PTCHD4: variants seen among roughly 807,000 people sequenced by gnomAD.
PTCHD4 encodes the protein patched domain-containing protein 4.
Under a neutral mutation model 58.1 loss-of-function variants are expected in PTCHD4, and 33 were observed. The ratio of observed to expected loss-of-function variants is 0.57; its 90% confidence interval spans 0.43 to 0.76. The LOEUF is 0.76. Among genes scored for constraint, PTCHD4 ranks in the 30% least tolerant of loss-of-function variants. PTCHD4 has a pLI of 0.00. For synonymous variants in PTCHD4, 478 were observed against 409.6 expected (o/e 1.17, Z -2.02); for missense variants, 1,058 against 1,027.1 (o/e 1.03, Z -0.41).
chr6:48,088,650 G>A (rs139309617), intron 1 of PTCHD4, among the ~76,000 whole-genome samples: 2 of 152,130 alleles, frequency 1.3e-5, no homozygotes, highest in Admixed American at 1.3e-4. Context: ...GAACTAAAAC[G>A]CTGTGGTTTT....
intron 4 of PTCHD4, among the ~76,000 whole-genome samples, chr6:47,959,684 A>G (rs1767006048): frequency 6.6e-6 from 1 of 152,106 alleles, no homozygotes; most frequent in Non-Finnish European, 1.5e-5. Context: ...TATTATATAC[A>G]TAGAAACAAA....
chr6:47,976,375 C>T (rs1276376218), intron 4 of PTCHD4, among the ~76,000 whole-genome samples: 3 of 152,092 alleles, frequency 2.0e-5, no homozygotes, highest in Admixed American at 6.6e-5. Context: ...TAATTACTGG[C>T]CAGGCGCTGT....
In PTCHD4 at chr6:47,862,305, G is replaced by T. The variant is rs1763449380; in HGVS notation, c.*15998C>A. 6.6e-6 allele frequency among the ~76,000 whole-genome samples: 1 copy of T among 151,470 alleles called. No individual in the cohort carries two copies. The highest frequency in any genetic ancestry group is 2.4e-5 in the African/African-American group (1 of 41,314). Reference sequence around the variant, plus strand: ...TAGTAGCTGTGCTGTTGGGACCAAAGATCTACTTACAACCATTTTCAACAC... The same window carrying T: ...TAGTAGCTGTGCTGTTGGGACCAAATATCTACTTACAACCATTTTCAACAC... On this transcript the variant is annotated 3_prime_UTR_variant, in exon 5 of 5. Coordinates refer to ENST00000339488, the MANE Select transcript of PTCHD4 (RefSeq NM_001384253.1).
rs190824329 is a variant in PTCHD4 at position 48,000,206 on chromosome 6, C to T, written c.898+8428G>A. Among the ~76,000 whole-genome samples the T allele has an allele frequency of 2.9e-3, 438 of 152,234 alleles. 1 individual carries two copies. Among genetic ancestry groups the T allele is most frequent in the African/African-American group, 0.01 (419 of 41,560 alleles). ...TCCTGACCCACATCAAACTGAGAGA[C>T]AAACAAGAAATATATCTTTGTTATG... On this transcript the variant is annotated intron_variant, in intron 4 of 4. Transcript: ENST00000339488.
chr6:47,874,014 T>A lies in PTCHD4; in HGVS notation c.*4289A>T, dbSNP rs1463818469. ...TCCCTGTAGTAGGATGCCGAGCAAA[T>A]CATTGACTTCTCCAATCTCTAAGAG... On this transcript the variant is annotated 3_prime_UTR_variant, in exon 5 of 5. Coordinates refer to ENST00000339488, the MANE Select transcript of PTCHD4 (RefSeq NM_001384253.1). Among the ~76,000 whole-genome samples the A allele has an allele frequency of 6.6e-6, 1 of 151,706 alleles. No individual in the cohort carries two copies. Among genetic ancestry groups the A allele is most frequent in the Non-Finnish European group, 1.5e-5 (1 of 67,786 alleles).
intron 3 of PTCHD4, among the ~76,000 whole-genome samples, chr6:48,060,424 T>G (rs574398729): frequency 6.6e-5 from 10 of 152,310 alleles, no homozygotes; most frequent in African/African-American, 2.2e-4. Context: ...TGAGAGCCCT[T>G]TACATACCTT....
chr6:47,901,348 A>G, intron 4 of PTCHD4: 3 of 682,918 alleles, frequency 4.4e-6, no homozygotes, highest in Non-Finnish European at 5.4e-6. Context: ...GTATCAGGGT[A>G]ATATTTATCT....
intron 1 of PTCHD4, among the ~76,000 whole-genome samples, chr6:48,100,638 T>C (rs1765585089): frequency 6.6e-6 from 1 of 152,178 alleles, no homozygotes; most frequent in Non-Finnish European, 1.5e-5. Context: ...GAGAAAATGA[T>C]GACAATAAAG....
At chr6:48,008,007 G>C (rs1326348960) in intron 4 of PTCHD4, among the ~76,000 whole-genome samples, 2 of 151,970 alleles carry the variant, frequency 1.3e-5, no homozygotes, top group South Asian at 2.1e-4. Flanking sequence ...TGTATAGCTG[G>C]AGGAAAACTT....
intron 1 of PTCHD4, among the ~76,000 whole-genome samples, chr6:48,081,686 T>C (rs1765169996): frequency 6.6e-6 from 1 of 152,184 alleles, no homozygotes; most frequent in African/African-American, 2.4e-5. Flanking sequence ...TGAAATTATT[T>C]TACCTATATT....
In PTCHD4 at chr6:48,068,693, C is replaced by G; in HGVS notation, c.6-52G>C. The G allele has an allele frequency of 1.3e-6, 2 of 1,483,292 alleles. No homozygotes were observed. The highest frequency in any genetic ancestry group is 5.0e-5 in the East Asian group (2 of 40,330). The allele number at this position is 1,483,292 out of a possible 1,614,324, so 91.9% of individuals were successfully genotyped here. ...AGCGCCGGGCTACCCCGTTCTCCCCCATCCCACCCCCTGGGGCCAGTCCCC... is the reference window on the plus strand; with the variant it reads ...AGCGCCGGGCTACCCCGTTCTCCCCGATCCCACCCCCTGGGGCCAGTCCCC... On this transcript the variant is annotated intron_variant, in intron 2 of 4. Transcript: ENST00000339488. The surrounding 1 kb of genome is among the most constrained non-coding windows in gnomAD (Gnocchi z 4.2).
rs1763801060 is a variant in PTCHD4, at chr6:47,874,678, C to T, written c.*3625G>A. On this transcript the variant is annotated 3_prime_UTR_variant, in exon 5 of 5. Coordinates refer to ENST00000339488, the MANE Select transcript of PTCHD4 (RefSeq NM_001384253.1). ...TGTCATCATTATTCTTCTCACCTCA[C>T]AAGGTAAAAACCTAAATTCTGTGGA... is the stretch of plus-strand genomic sequence containing the variant. Among the ~76,000 whole-genome samples, 2 of 151,630 alleles carry T rather than the reference C, an allele frequency of 1.3e-5. No homozygotes were observed.
chr6:48,070,398 A>AT (rs963489710), intron 1 of PTCHD4, among the ~76,000 whole-genome samples: 2 of 152,038 alleles, frequency 1.3e-5, no homozygotes, highest in East Asian at 1.9e-4. Context: ...TATACCTTTT[A>AT]TTTTTTTCTA....
At chr6:47,977,123 A>T (rs557419265) in intron 4 of PTCHD4, among the ~76,000 whole-genome samples, 1 of 152,316 alleles carries the variant, frequency 6.6e-6, no homozygotes, top group East Asian at 1.9e-4. Context: ...TGTTTTACCA[A>T]TGAAGAAACA....
intron 4 of PTCHD4, among the ~76,000 whole-genome samples, chr6:47,951,765 T>C (rs1766661788): frequency 6.6e-6 from 1 of 151,898 alleles, no homozygotes; most frequent in South Asian, 2.1e-4. Context: ...AGTAGATAAA[T>C]GTCAAAGACA....
At chr6:47,984,660 A>G (rs1327145587) in intron 4 of PTCHD4, among the ~76,000 whole-genome samples, 1 of 152,156 alleles carries the variant, frequency 6.6e-6, no homozygotes, top group Non-Finnish European at 1.5e-5. Context: ...ATAAATAAAT[A>G]CTTGGAGAAT....
At chr6:48,005,493 C>T (rs1433160083) in intron 4 of PTCHD4, among the ~76,000 whole-genome samples, 1 of 152,126 alleles carries the variant, frequency 6.6e-6, no homozygotes, top group African/African-American at 2.4e-5. Flanking sequence ...TGGTTTCAAC[C>T]ATTATCGTGT....
intron 4 of PTCHD4, among the ~76,000 whole-genome samples, chr6:48,003,238 G>A (rs1007884686): frequency 2.0e-5 from 3 of 152,016 alleles, no homozygotes; most frequent in African/African-American, 7.2e-5. Context: ...TGTATCTTCA[G>A]CTCTAATTTA....
At chr6:47,957,894 G>A (rs535745415) in intron 4 of PTCHD4, among the ~76,000 whole-genome samples, 37 of 152,088 alleles carry the variant, frequency 2.4e-4, no homozygotes, top group African/African-American at 7.7e-4. Flanking sequence ...GTGAGCCACC[G>A]CGCCCGGCCA....
Sources: gnomAD v4.1 joint callset for allele counts (sites outside exome capture counted in the v4.1 genomes callset) on GRCh38, gnomAD v4.1.1 for gene constraint, Gnocchi (gnomAD v3.1) non-coding constraint, MANE v1.5 for transcripts, NCBI Gene and HGNC (gene_info 2026-07-23, HGNC 2026-07-21) for gene names.